CNKSR2: variants seen among roughly 807,000 people sequenced by gnomAD.
CNKSR2 encodes the protein connector enhancer of kinase suppressor of Ras 2, also known as CNK homolog protein 2.
Under a neutral mutation model 84.4 loss-of-function variants are expected in CNKSR2, and 14 were observed. That is an observed-to-expected ratio of 0.17 (90% confidence interval 0.11 to 0.26). The LOEUF (loss-of-function observed/expected upper bound fraction) is 0.26. Ranked by LOEUF, CNKSR2 falls within the 10% of genes least tolerant of loss-of-function variation. The pLI is 1.00. For missense variants in CNKSR2, 485 were observed against 771.2 expected, an observed-to-expected ratio of 0.63 and a Z score of 4.40; for synonymous variants, 275 against 277.9, an observed-to-expected ratio of 0.99 and a Z score of 0.10.
chrX:21,645,721 G>A (rs1156794742), intron 20 of CNKSR2: 1 of 110,794 alleles, frequency 9.0e-6, no homozygotes, highest in Non-Finnish European at 1.9e-5. Context: ...AAAAAGCAAG[G>A]GTTGAAAAAA....
At chrX:21,639,492 A>G (rs1277835175) in intron 20 of CNKSR2, among the ~76,000 whole-genome samples, 1 of 111,812 alleles carries the variant, frequency 8.9e-6, no homozygotes, top group Non-Finnish European at 1.9e-5. Flanking sequence ...CACTACATAA[A>G]AAGTATAGTT....
intron 1 of CNKSR2, among the ~76,000 whole-genome samples, chrX:21,381,509 T>C (rs1007851817): frequency 8.9e-6 from 1 of 112,565 alleles, no homozygotes; most frequent in Non-Finnish European, 1.9e-5. Flanking sequence ...GTTTGATCCA[T>C]ACACCTGCAG....
intron 3 of CNKSR2, among the ~76,000 whole-genome samples, chrX:21,434,296 C>T (rs2090675585): frequency 9.0e-6 from 1 of 111,630 alleles, no homozygotes; most frequent in Admixed American, 9.6e-5. Flanking sequence ...TTCTTGATGA[C>T]AGATATGGCT....
At chrX:21,386,177 G>C (rs770643993) in intron 1 of CNKSR2, among the ~76,000 whole-genome samples, 13 of 111,395 alleles carry the variant, frequency 1.2e-4, no homozygotes, top group African/African-American at 4.2e-4. Context: ...GTTTTGTTAA[G>C]ATTTACTCAG....
In CNKSR2 at chrX:21,617,932, G is replaced by A. The variant is rs147575865; in HGVS notation, c.2692+8315G>A. On this transcript the variant is annotated intron_variant, in intron 20 of 21. Coordinates refer to ENST00000379510, the MANE Select transcript of CNKSR2 (RefSeq NM_014927.5). ...ACACACCCCCCCACACACACACCCC[G>A]ACTCATACATCAGAAGTTCTCTTGC... Among the ~76,000 whole-genome samples the A allele has an allele frequency of 6.5e-3, 453 of 69,804 alleles. 4 individuals are homozygous for A. Among genetic ancestry groups the A allele is most frequent in the African/African-American group, 0.027 (439 of 16,104 alleles). 60.6% of individuals were successfully genotyped at this position (69,804 alleles called of 115,157 possible).
At chrX:21,556,086 A>G (rs2092137609) in intron 11 of CNKSR2, among the ~76,000 whole-genome samples, 1 of 110,814 alleles carries the variant, frequency 9.0e-6, no homozygotes, top group African/African-American at 3.3e-5. Context: ...GAGGGAGGAA[A>G]AGAAGGAAAT....
At chrX:21,410,435 A>T (rs2090328087) in intron 1 of CNKSR2, among the ~76,000 whole-genome samples, 1 of 111,159 alleles carries the variant, frequency 9.0e-6, no homozygotes, top group Admixed American at 9.6e-5. Context: ...GGTTAAGTAA[A>T]ATTTACTTCA....
At chrX:21,481,378 G>A (rs759039298) in intron 5 of CNKSR2, among the ~76,000 whole-genome samples, 1 of 111,353 alleles carries the variant, frequency 9.0e-6, no homozygotes, top group Non-Finnish European at 1.9e-5. Flanking sequence ...TAATTCTAAG[G>A]TCATAAATTA....
Position 21,539,503 on chromosome X carries a change from T to C in CNKSR2, c.1303+7436T>C, listed in dbSNP as rs770012431. Reference sequence around the variant, plus strand: ...ATTGCTTTTCAGGCATTTCATACAGTTTTTTTTTCCTTTGGTGTATATTGC... The same window carrying C: ...ATTGCTTTTCAGGCATTTCATACAGCTTTTTTTTCCTTTGGTGTATATTGC... On this transcript the variant is annotated intron_variant, in intron 11 of 21. Transcript: ENST00000379510. Among the ~76,000 whole-genome samples, 4 of 86,235 alleles carry C rather than the reference T, an allele frequency of 4.6e-5. No individual in the cohort carries two copies. In the South Asian group the frequency reaches 1.6e-3, roughly 35 times the overall value. The allele number at this position is 86,235 out of a possible 115,157, so 74.9% of individuals were successfully genotyped here. A position where few individuals can be genotyped will look rare whatever the true frequency, so the allele number is the denominator to read the frequency against.
chrX:21,572,411 T>C (rs1330709322), intron 13 of CNKSR2, among the ~76,000 whole-genome samples: 2 of 112,826 alleles, frequency 1.8e-5, no homozygotes, highest in Admixed American at 1.9e-4. Context: ...ATAGAATTTA[T>C]TGAATATTCT....
chrX:21,549,306 C>T (rs780009278), intron 11 of CNKSR2, among the ~76,000 whole-genome samples: 10 of 111,757 alleles, frequency 8.9e-5, no homozygotes, highest in Admixed American at 1.9e-4. Context: ...AGTGGGCTCC[C>T]GTTCACAATT....
chrX:21,429,929 T>G (rs1249163760), intron 2 of CNKSR2, among the ~76,000 whole-genome samples: 1 of 111,529 alleles, frequency 9.0e-6, no homozygotes, highest in African/African-American at 3.3e-5. Context: ...TTTTAAAAAT[T>G]AAAAAGTTAA....
At chrX:21,518,185 T>C (rs930197913) in intron 9 of CNKSR2, among the ~76,000 whole-genome samples, 2 of 111,424 alleles carry the variant, frequency 1.8e-5, no homozygotes, top group African/African-American at 6.5e-5. Context: ...GATCAGACTT[T>C]CCCATTACAT....
At chrX:21,591,251 C>A in intron 15 of CNKSR2, 57 bp downstream of exon 15, 1 of 955,929 alleles carries the variant, frequency 1.0e-6, no homozygotes, top group South Asian at 2.7e-5. Context: ...TCAAAAGAAT[C>A]ATTTTGAGAC....
intron 1 of CNKSR2, among the ~76,000 whole-genome samples, chrX:21,417,316 G>A (rs111474835): frequency 2.3e-4 from 26 of 111,863 alleles, no homozygotes; most frequent in African/African-American, 8.1e-4. Flanking sequence ...ATGTTTTAAG[G>A]CTTGTTTTGT....
chrX:21,469,189 G>A (rs181337448), intron 4 of CNKSR2, among the ~76,000 whole-genome samples: 1 of 111,461 alleles, frequency 9.0e-6, no homozygotes, highest in Admixed American at 9.6e-5. Context: ...ATTCTGGGAA[G>A]GTAGGCAAAT....
chrX:21,482,196 G>A (rs2091328038), intron 5 of CNKSR2, among the ~76,000 whole-genome samples: 1 of 112,134 alleles, frequency 8.9e-6, no homozygotes, highest in Non-Finnish European at 1.9e-5. Flanking sequence ...ATAAATACGA[G>A]AACAATTCTT....
intron 20 of CNKSR2, among the ~76,000 whole-genome samples, chrX:21,635,521 TATATATGTATATATAA>T (rs2092668524): frequency 9.5e-6 from 1 of 105,634 alleles, no homozygotes; most frequent in Non-Finnish European, 1.9e-5. Context: ...TATATGTGTA[TATATATGTATATATAA>T]ATATATGTAT....
intron 2 of CNKSR2, among the ~76,000 whole-genome samples, chrX:21,431,883 A>G (rs1311679771): frequency 8.9e-6 from 1 of 112,018 alleles, no homozygotes; most frequent in Non-Finnish European, 1.9e-5. Context: ...CAAAGAAAAG[A>G]AGAAAACAAA....
Sources: allele counts gnomAD v4.1 joint callset (sites outside exome capture counted in the v4.1 genomes callset), GRCh38; gene constraint gnomAD v4.1.1; transcripts MANE v1.5; gene names NCBI Gene and HGNC (gene_info 2026-07-23, HGNC 2026-07-21).